Variants in SOX5 observed in about 807,000 individuals in gnomAD.
The protein encoded by SOX5 is SRY-box transcription factor 5.
A neutral mutation model predicts 92.0 loss-of-function variants in SOX5; 9 were observed. That is an observed-to-expected ratio of 0.10 (90% CI 0.06 to 0.17). The LOEUF (loss-of-function observed/expected upper bound fraction) is 0.17. SOX5 is among the 10% of genes least tolerant of loss of function. SOX5 has a pLI of 1.00. For synonymous variants in SOX5, 344 were observed against 336.3 expected (o/e 1.02, Z -0.25); for missense variants, 642 against 944.5 (o/e 0.68, Z 4.20).
At chr12:23,831,842 A>G (rs1426234741) in intron 3 of SOX5, among the ~76,000 whole-genome samples, 1 of 152,016 alleles carries the variant, frequency 6.6e-6, no homozygotes, top group Non-Finnish European at 1.5e-5. Flanking sequence ...CACAAGGAGC[A>G]CACTCATCAT....
chr12:24,213,121 TTTG>T (rs1958820435), intron 4 of SOX5, among the ~76,000 whole-genome samples: 1 of 152,140 alleles, frequency 6.6e-6, no homozygotes, highest in Non-Finnish European at 1.5e-5. Flanking sequence ...TATGTAAGAT[TTTG>T]TTTCTATTCT....
chr12:23,575,386 C>T (rs750517948), intron 10 of SOX5, among the ~76,000 whole-genome samples: 8 of 152,118 alleles, frequency 5.3e-5, no homozygotes, highest in Admixed American at 2.6e-4. Context: ...TTGCTCACTG[C>T]GATTAGTCAC....
intron 1 of SOX5, among the ~76,000 whole-genome samples, chr12:24,397,041 G>A (rs1960206374): frequency 6.6e-6 from 1 of 152,140 alleles, no homozygotes; most frequent in African/African-American, 2.4e-5. Context: ...TTAGTACTTT[G>A]CCACCTTCCT....
intron 2 of SOX5, among the ~76,000 whole-genome samples, chr12:24,302,161 A>G (rs1948039985): frequency 6.6e-6 from 1 of 152,178 alleles, no homozygotes; most frequent in African/African-American, 2.4e-5. Flanking sequence ...AGATTCAGAC[A>G]TGTCATAAAA....
At chr12:23,751,915 A>G (rs376703879) in intron 4 of SOX5, among the ~76,000 whole-genome samples, 606 of 117,596 alleles carry the variant, frequency 5.2e-3, no homozygotes, top group Middle Eastern at 0.03. Context: ...CAGAGATTCT[A>G]AGGGGAAACA....
chr12:24,182,091 T>C (rs1268303866), intron 4 of SOX5, among the ~76,000 whole-genome samples: 1 of 152,186 alleles, frequency 6.6e-6, no homozygotes, highest in Non-Finnish European at 1.5e-5. Context: ...TCTTTGAATA[T>C]GGTCCCCCAA....
chr12:23,971,019 T>C (rs1410887824), intron 4 of SOX5, among the ~76,000 whole-genome samples: 2 of 148,176 alleles, frequency 1.3e-5, no homozygotes, highest in East Asian at 3.9e-4. Flanking sequence ...CATTCCTACC[T>C]GAAATGTATG....
At chr12:24,122,437 G>A (rs1456513030) in intron 4 of SOX5, among the ~76,000 whole-genome samples, 2 of 152,178 alleles carry the variant, frequency 1.3e-5, no homozygotes, top group East Asian at 3.9e-4. Context: ...TTATGAGCAT[G>A]TTTTTAAGAA....
At chr12:24,464,703 T>C (rs1011977114) in intron 1 of SOX5, among the ~76,000 whole-genome samples, 2 of 152,202 alleles carry the variant, frequency 1.3e-5, no homozygotes, top group East Asian at 3.8e-4. Flanking sequence ...ACTTTACATG[T>C]ATTAATAAAA....
chr12:23,711,890 C>T (rs1029736030), intron 6 of SOX5, among the ~76,000 whole-genome samples: 2 of 152,118 alleles, frequency 1.3e-5, no homozygotes, highest in Non-Finnish European at 2.9e-5. Context: ...TTTTAACCAC[C>T]ATTTACCAAG....
chr12:24,059,989 C>A (rs1194889102), intron 4 of SOX5, among the ~76,000 whole-genome samples: 1 of 152,056 alleles, frequency 6.6e-6, no homozygotes, highest in Non-Finnish European at 1.5e-5. Context: ...ATTGTCTATG[C>A]TGAGCAGTGA....
intron 3 of SOX5, among the ~76,000 whole-genome samples, chr12:24,256,478 G>T (rs920565151): frequency 6.6e-6 from 1 of 152,088 alleles, no homozygotes; most frequent in East Asian, 1.9e-4. Flanking sequence ...GCCTTTTCCC[G>T]GGCCCTTCTC....
chr12:23,818,590 AT>A (rs1210171337), intron 3 of SOX5, among the ~76,000 whole-genome samples: 18 of 151,964 alleles, frequency 1.2e-4, no homozygotes, highest in Non-Finnish European at 2.2e-4. Flanking sequence ...TATAACAAAT[AT>A]TTTTCTTCAA....
intron 1 of SOX5, among the ~76,000 whole-genome samples, chr12:24,409,264 T>C (rs1050347258): frequency 6.6e-6 from 1 of 152,024 alleles, no homozygotes; most frequent in Non-Finnish European, 1.5e-5. Context: ...TTCTCACTCA[T>C]AAGTGGGAGT....
intron 2 of SOX5, among the ~76,000 whole-genome samples, chr12:24,332,481 G>A (rs935162941): frequency 6.6e-6 from 1 of 152,018 alleles, no homozygotes; most frequent in African/African-American, 2.4e-5. Flanking sequence ...ACAATTTAGA[G>A]AGTAACTGAA....
At chr12:23,781,803 G>T (rs1025374004) in intron 3 of SOX5, among the ~76,000 whole-genome samples, 1 of 151,794 alleles carries the variant, frequency 6.6e-6, no homozygotes, top group African/African-American at 2.4e-5. Flanking sequence ...CTAAATCAAC[G>T]CAGGATCAAG....
At chr12:24,457,073 A>G (rs1266357822) in intron 1 of SOX5, among the ~76,000 whole-genome samples, 1 of 152,230 alleles carries the variant, frequency 6.6e-6, no homozygotes, top group Non-Finnish European at 1.5e-5. Flanking sequence ...AAAGTTATTT[A>G]TAGATTGAAA....
intron 1 of SOX5, among the ~76,000 whole-genome samples, chr12:23,919,110 C>T (rs1595645835): frequency 6.6e-6 from 1 of 152,150 alleles, no homozygotes; most frequent in East Asian, 1.9e-4. Flanking sequence ...CAAATGCCTG[C>T]ATTGTGCATG....
intron 4 of SOX5, among the ~76,000 whole-genome samples, chr12:24,118,081 G>T (rs1000811355): frequency 2.6e-5 from 4 of 151,270 alleles, no homozygotes; most frequent in African/African-American, 9.7e-5. Context: ...GTAGAAAAGT[G>T]GTTACTAGAG....
Sources: allele counts gnomAD v4.1 joint callset (sites outside exome capture counted in the v4.1 genomes callset), GRCh38; gene constraint gnomAD v4.1.1; transcripts MANE v1.5; gene names NCBI Gene and HGNC (gene_info 2026-07-23, HGNC 2026-07-21).